Variants in RASAL2 observed in about 807,000 individuals in gnomAD.
The protein encoded by RASAL2 is RAS protein activator like 2, also known as ras GTPase-activating protein nGAP.
Under a neutral mutation model 128.9 loss-of-function variants are expected in RASAL2, and 58 were observed. That is an observed-to-expected ratio of 0.45 (90% CI 0.36 to 0.56). The LOEUF is 0.56. Among genes scored for constraint, RASAL2 ranks in the 20% least tolerant of loss-of-function variants. RASAL2 has a pLI of 0.00. For missense variants in RASAL2, 1,360 were observed against 1,601.6 expected, an observed-to-expected ratio of 0.85 and a Z score of 2.57; for synonymous variants, 561 against 580.8, an observed-to-expected ratio of 0.97 and a Z score of 0.49.
chr1:178,210,738 A>G (rs1290896760), intron 1 of RASAL2, among the ~76,000 whole-genome samples: 2 of 152,244 alleles, frequency 1.3e-5, no homozygotes, highest in African/African-American at 2.4e-5. Flanking sequence ...AAGTTTAGAT[A>G]AAGATCTGTG....
intron 17 of RASAL2, among the ~76,000 whole-genome samples, chr1:178,467,931 T>A (rs1209744566): frequency 6.6e-6 from 1 of 152,224 alleles, no homozygotes; most frequent in African/African-American, 2.4e-5. Flanking sequence ...CATTGCTGCT[T>A]GGAATGTGCT....
intron 1 of RASAL2, among the ~76,000 whole-genome samples, chr1:178,145,260 C>T (rs1019608758): frequency 2.6e-5 from 4 of 152,060 alleles, no homozygotes; most frequent in African/African-American, 9.6e-5. Flanking sequence ...GTAAAATCTT[C>T]AAAAATATGC....
chr1:178,127,451 A>G (rs1045443276), intron 1 of RASAL2, among the ~76,000 whole-genome samples: 3 of 152,100 alleles, frequency 2.0e-5, no homozygotes, highest in Admixed American at 2.0e-4. Context: ...TTTCTTTGCC[A>G]TTTTTCATAG....
intron 5 of RASAL2, among the ~76,000 whole-genome samples, chr1:178,429,372 C>T (rs1675737396): frequency 2.0e-5 from 3 of 152,108 alleles, no homozygotes; most frequent in South Asian, 4.1e-4. Flanking sequence ...TTACCCTTCT[C>T]CCTTGTAGGT....
At chr1:178,472,322 A>G (rs1648350263) in intron 17 of RASAL2, among the ~76,000 whole-genome samples, 1 of 151,868 alleles carries the variant, frequency 6.6e-6, no homozygotes, top group African/African-American at 2.4e-5. Context: ...ATTTTTTTTC[A>G]GAGACTCAAA....
chr1:178,210,701 C>G (rs1571635793), intron 1 of RASAL2, among the ~76,000 whole-genome samples: 1 of 152,168 alleles, frequency 6.6e-6, no homozygotes, highest in Non-Finnish European at 1.5e-5. Flanking sequence ...CTAAAGTCTT[C>G]TGAATTCTGA....
intron 1 of RASAL2, among the ~76,000 whole-genome samples, chr1:178,232,380 A>G (rs577351609): frequency 6.6e-6 from 1 of 152,278 alleles, no homozygotes; most frequent in African/African-American, 2.4e-5. Context: ...CAGATAGGGA[A>G]TATTTTTCCA....
intron 3 of RASAL2, chr1:178,341,462 T>A (rs1217237740): frequency 3.4e-6 from 5 of 1,477,594 alleles, no homozygotes; most frequent in East Asian, 4.9e-5. Flanking sequence ...TTCCAAACTG[T>A]CTGAGGCACG....
At chr1:178,243,885 C>G (rs1345208298) in intron 1 of RASAL2, among the ~76,000 whole-genome samples, 2 of 152,132 alleles carry the variant, frequency 1.3e-5, no homozygotes, top group African/African-American at 4.8e-5. Flanking sequence ...TCTTGTCTGG[C>G]CCAAGACTTT....
chr1:178,151,562 G>A (rs774250634), intron 1 of RASAL2, among the ~76,000 whole-genome samples: 6 of 152,066 alleles, frequency 3.9e-5, no homozygotes, highest in South Asian at 2.1e-4. Context: ...TGGCTAATTC[G>A]GTGTTTGCAG....
intron 1 of RASAL2, among the ~76,000 whole-genome samples, chr1:178,186,123 T>C (rs1199052513): frequency 1.3e-5 from 2 of 152,162 alleles, no homozygotes; most frequent in Non-Finnish European, 2.9e-5. Context: ...TTACATCTTT[T>C]AAGGAATTTT....
At chr1:178,256,348 C>T (rs1313490040) in intron 1 of RASAL2, among the ~76,000 whole-genome samples, 2 of 152,116 alleles carry the variant, frequency 1.3e-5, no homozygotes, top group Non-Finnish European at 2.9e-5. Context: ...GGAACTTTCT[C>T]AGCCTGATAA....
chr1:178,285,276 G>A (rs1483909612), intron 2 of RASAL2, among the ~76,000 whole-genome samples: 3 of 150,690 alleles, frequency 2.0e-5, no homozygotes, highest in East Asian at 1.9e-4. Context: ...GCCCGCCACC[G>A]CGCCCGGCTA....
At chr1:178,269,183 C>A (rs1666125436) in intron 1 of RASAL2, among the ~76,000 whole-genome samples, 1 of 152,174 alleles carries the variant, frequency 6.6e-6, no homozygotes, top group East Asian at 1.9e-4. Context: ...CATGTGAGGA[C>A]ACAGTGAGAA....
chr1:178,250,954 A>G (rs780943560), intron 1 of RASAL2, among the ~76,000 whole-genome samples: 3 of 152,194 alleles, frequency 2.0e-5, no homozygotes, highest in Non-Finnish European at 2.9e-5. Flanking sequence ...GTCAAGGGCT[A>G]GCTAGCATTT....
chr1:178,390,054 A>G (rs751376776), intron 3 of RASAL2, 46 bp from the exon 4 acceptor site: 1 of 1,302,564 alleles, frequency 7.7e-7, no homozygotes, highest in South Asian at 1.3e-5. Flanking sequence ...GAAGATCCTA[A>G]ATTTGGGGTT....
intron 1 of RASAL2, among the ~76,000 whole-genome samples, chr1:178,105,487 G>A (rs1282885710): frequency 6.6e-6 from 1 of 152,128 alleles, no homozygotes. Flanking sequence ...CCCTTATCCA[G>A]TTAATACTCT....
Position 178,439,552 on chromosome 1 carries a change from C to G in RASAL2, c.805C>G (p.Leu269Val). Reference sequence around the variant, plus strand: ...AGTGAAACCACTTCATAGTAGCATCCTTGGACAAGACTTCTGCTTTGAGGT... The same window carrying G: ...AGTGAAACCACTTCATAGTAGCATCGTTGGACAAGACTTCTGCTTTGAGGT... ...VSVKPLHSSI[L>V]GQDFCFEVTY... Residue 269 changes from leucine (L) to valine (V), a missense_variant, in exon 6 of 18, where the codon CTT becomes GTT. Coordinates refer to ENST00000367649, the MANE Select transcript of RASAL2 (RefSeq NM_170692.4). The G allele has an allele frequency of 6.2e-7, 1 of 1,611,846 alleles. No homozygotes were observed. Among genetic ancestry groups the G allele is most frequent in the Non-Finnish European group, 8.5e-7 (1 of 1,178,966 alleles).
At chr1:178,324,473 A>G (rs1668939890) in intron 3 of RASAL2, among the ~76,000 whole-genome samples, 1 of 151,470 alleles carries the variant, frequency 6.6e-6, no homozygotes, top group Admixed American at 6.6e-5. Flanking sequence ...CTATCTCTGT[A>G]TCTTGTGACT....
Sources: gnomAD v4.1 joint callset for allele counts (sites outside exome capture counted in the v4.1 genomes callset) on GRCh38, gnomAD v4.1.1 for gene constraint, MANE v1.5 for transcripts, NCBI Gene and HGNC (gene_info 2026-07-23, HGNC 2026-07-21) for gene names.